The following TENM4 variants were observed in gnomAD, a reference collection of about 807,000 sequenced individuals.
The protein encoded by TENM4 is teneurin transmembrane protein 4, also known as teneurin-4.
A neutral mutation model predicts 243.3 loss-of-function variants in TENM4; 82 were observed. That is an observed-to-expected ratio of 0.34 (90% CI 0.28 to 0.40). TENM4 has a LOEUF of 0.40. TENM4 is among the 10% of genes least tolerant of loss of function. The pLI is 1.00. For synonymous variants in TENM4, 1,412 were observed against 1,456.3 expected (o/e 0.97, Z 0.69); for missense variants, 3,138 against 3,673.3 (o/e 0.85, Z 3.77).
rs1555098955 is a variant in TENM4, at chr11:78,899,567, G to GGA, written c.749+3700_749+3701insTC. 7.6e-5 allele frequency among the ~76,000 whole-genome samples: 10 copies of GGA among 130,864 alleles called. 1 individual carries two copies. Among genetic ancestry groups the GGA allele is most frequent in the Non-Finnish European group, 1.5e-4 (9 of 60,884 alleles). The allele number at this position is 130,864 out of a possible 152,430, so 85.9% of individuals were successfully genotyped here. On this transcript the variant is annotated intron_variant, in intron 7 of 33. Transcript: ENST00000278550. ...CACTCTGTCTCAAAAAGCGGGGGGG[G>GGA]GGGGAAAAAGAAAAAAGAAAGAAAA... is the stretch of plus-strand genomic sequence containing the variant.
chr11:78,727,896 G>A (rs1855554406), intron 22 of TENM4, among the ~76,000 whole-genome samples: 1 of 152,200 alleles, frequency 6.6e-6, no homozygotes, highest in Non-Finnish European at 1.5e-5. Context: ...GCTCCTTAAA[G>A]TTTCTTGTAG....
chr11:78,831,393 T>C (rs1386997036), intron 12 of TENM4, among the ~76,000 whole-genome samples: 1 of 152,176 alleles, frequency 6.6e-6, no homozygotes, highest in Non-Finnish European at 1.5e-5. Flanking sequence ...TGGTCAGTTG[T>C]GATATGATGA....
At chr11:78,965,591 G>T (rs1857422889) in intron 6 of TENM4, among the ~76,000 whole-genome samples, 1 of 152,226 alleles carries the variant, frequency 6.6e-6, no homozygotes, top group Non-Finnish European at 1.5e-5. Flanking sequence ...GAAATAAATA[G>T]TTCCAGAACT....
chr11:78,957,336 C>A (rs1014852082), intron 6 of TENM4, among the ~76,000 whole-genome samples: 2 of 152,156 alleles, frequency 1.3e-5, no homozygotes, highest in African/African-American at 4.8e-5. Flanking sequence ...AAATCCCAGG[C>A]TCCACGAAAT....
At chr11:78,814,625 T>C (rs1857566422) in intron 12 of TENM4, among the ~76,000 whole-genome samples, 1 of 152,226 alleles carries the variant, frequency 6.6e-6, no homozygotes, top group African/African-American at 2.4e-5. Flanking sequence ...AACCAAATTT[T>C]TATAAATCAA....
At position 79,159,418 on chromosome 11, in the gene TENM4, T is replaced by C. The variant is rs181045174; in HGVS notation, c.-162-10612A>G. 3.3e-3 allele frequency among the ~76,000 whole-genome samples: 504 copies of C among 152,298 alleles called. 2 individuals are homozygous for C. The highest frequency in any genetic ancestry group is 0.014 in the Middle Eastern group (4 of 294). On this transcript the variant is annotated intron_variant, in intron 3 of 33. Transcript: ENST00000278550. ...GAAATCTAAGGATTAAATTTAAAAA[T>C]GAAATAAAAAGAATAAATTGCCCAA...
At chr11:79,302,517 C>T (rs1856565509) in intron 1 of TENM4, among the ~76,000 whole-genome samples, 2 of 152,236 alleles carry the variant, frequency 1.3e-5, no homozygotes, top group South Asian at 4.1e-4. Context: ...ATCTAATTCA[C>T]TGCCTTCTCT....
At chr11:78,761,927 C>T (rs975857022) in intron 18 of TENM4, among the ~76,000 whole-genome samples, 3 of 152,162 alleles carry the variant, frequency 2.0e-5, no homozygotes, top group Middle Eastern at 3.2e-3. Context: ...GCACGTCTCC[C>T]AGGCCTGCTG....
Position 79,301,966 on chromosome 11 carries a change from C to T in TENM4, c.-320-4423G>A, listed in dbSNP as rs1227768981. ...TTAAACCTCTTTTCTTTATAAATTA[C>T]GCAGTCTCAGGTATTTCTTTGTAGC... On this transcript the variant is annotated intron_variant, in intron 1 of 33. Coordinates refer to ENST00000278550, the MANE Select transcript of TENM4 (RefSeq NM_001098816.3). Among the ~76,000 whole-genome samples, 7 of 152,134 alleles carry T rather than the reference C, an allele frequency of 4.6e-5. No homozygotes were observed. The East Asian group carries it at 1.2e-3, about 25-fold the overall frequency.
At chr11:79,025,077 G>A (rs1017004668) in intron 6 of TENM4, among the ~76,000 whole-genome samples, 1 of 152,306 alleles carries the variant, frequency 6.6e-6, no homozygotes. Flanking sequence ...GATGCCAGGG[G>A]AGGAAGGAAA....
At chr11:79,177,887 G>A (rs1863198426) in intron 3 of TENM4, among the ~76,000 whole-genome samples, 1 of 152,072 alleles carries the variant, frequency 6.6e-6, no homozygotes, top group Non-Finnish European at 1.5e-5. Context: ...GGACATGACA[G>A]CAATTTTAGC....
chr11:79,311,107 A>G lies in TENM4; in HGVS notation c.-320-13564T>C, dbSNP rs151278455. ...CAAGACGGGTCTTGGCGAATGTCGTAGCTAACACAATGGAAACCATTCTGA... is the reference window on the plus strand; with the variant it reads ...CAAGACGGGTCTTGGCGAATGTCGTGGCTAACACAATGGAAACCATTCTGA... On this transcript the variant is annotated intron_variant, in intron 1 of 33. Transcript: ENST00000278550. Among the ~76,000 whole-genome samples the G allele has an allele frequency of 4.3e-3, 658 of 152,328 alleles. 11 individuals carry two copies. The highest frequency in any genetic ancestry group is 0.029 in the South Asian group (142 of 4,824).
intron 6 of TENM4, among the ~76,000 whole-genome samples, chr11:78,907,140 AG>A (rs1334772606): frequency 1.3e-5 from 2 of 152,072 alleles, no homozygotes; most frequent in Admixed American, 6.5e-5. Context: ...CCAAAGGAAA[AG>A]CTCTGTATTT....
intron 6 of TENM4, among the ~76,000 whole-genome samples, chr11:79,044,574 A>C (rs1859615014): frequency 6.6e-6 from 1 of 152,210 alleles, no homozygotes; most frequent in South Asian, 2.1e-4. Context: ...TTAGCTTGTG[A>C]GTGCTGGGCC....
At chr11:78,989,875 G>A (rs926254400) in intron 6 of TENM4, among the ~76,000 whole-genome samples, 13 of 151,850 alleles carry the variant, frequency 8.6e-5, no homozygotes, top group African/African-American at 1.9e-4. Context: ...ACAACATAAC[G>A]AAACCCCATC....
At chr11:78,817,256 G>A (rs1857626359) in intron 12 of TENM4, among the ~76,000 whole-genome samples, 1 of 152,148 alleles carries the variant, frequency 6.6e-6, no homozygotes, top group South Asian at 2.1e-4. Context: ...TTCAAGAAAT[G>A]TCCTTCTTCA....
chr11:78,864,490 T>TA (rs1858913199), intron 9 of TENM4, among the ~76,000 whole-genome samples: 1 of 122,550 alleles, frequency 8.2e-6, no homozygotes, highest in Admixed American at 8.1e-5. Flanking sequence ...TAGCAACTGC[T>TA]AAAAAGTCTT....
intron 6 of TENM4, among the ~76,000 whole-genome samples, chr11:78,973,320 AC>A (rs1348545737): frequency 6.6e-6 from 1 of 152,228 alleles, no homozygotes; most frequent in Non-Finnish European, 1.5e-5. Flanking sequence ...CAATTTCTCC[AC>A]ATCCTTGTCA....
intron 32 of TENM4, among the ~76,000 whole-genome samples, chr11:78,667,155 T>C (rs2135659577): frequency 6.6e-6 from 1 of 152,286 alleles, no homozygotes; most frequent in East Asian, 1.9e-4. Context: ...TGTGAAACAT[T>C]GTTAGCATAT....
Sources: gnomAD v4.1 joint callset for allele counts (sites outside exome capture counted in the v4.1 genomes callset) on GRCh38, gnomAD v4.1.1 for gene constraint, MANE v1.5 for transcripts, NCBI Gene and HGNC (gene_info 2026-07-23, HGNC 2026-07-21) for gene names.